The following WIPI2 variants were observed in gnomAD, a reference collection of about 807,000 sequenced individuals.
WIPI2 encodes WD repeat domain, phosphoinositide interacting 2.
In WIPI2, 28 loss-of-function variants were observed where a neutral mutation model predicts 52.3. That is an observed-to-expected ratio of 0.54 (90% CI 0.40 to 0.73). WIPI2 has a LOEUF of 0.73. WIPI2 is among the 30% of genes least tolerant of loss of function. The pLI, the probability that WIPI2 is intolerant of heterozygous loss-of-function variation, is 0.00. For missense variants in WIPI2, 506 were observed against 602.9 expected (o/e 0.84, Z 1.68); for synonymous variants, 268 against 245.0 (o/e 1.09, Z -0.88).
At chr7:5,216,495 C>A in intron 4 of WIPI2, 68 bp from the exon 5 acceptor site, 1 of 1,252,758 alleles carries the variant, frequency 8.0e-7, no homozygotes, top group Non-Finnish European at 1.2e-6. Context: ...AGTCAGTCAA[C>A]TGGAGATTGG....
At chr7:5,204,539 G>T (rs574148418) in intron 3 of WIPI2, among the ~76,000 whole-genome samples, 112 of 152,154 alleles carry the variant, frequency 7.4e-4, no homozygotes, top group Non-Finnish European at 1.4e-3. Flanking sequence ...TTAGAAAAAT[G>T]GCAACAAACC....
At chr7:5,209,632 C>A (rs1182499126) in intron 3 of WIPI2, among the ~76,000 whole-genome samples, 1 of 152,206 alleles carries the variant, frequency 6.6e-6, no homozygotes, top group African/African-American at 2.4e-5. Flanking sequence ...ATACTGTTCT[C>A]ACTTTGAAAT....
intron 7 of WIPI2, among the ~76,000 whole-genome samples, chr7:5,219,844 T>G (rs1287508560): frequency 6.6e-6 from 1 of 152,164 alleles, no homozygotes; most frequent in African/African-American, 2.4e-5. Flanking sequence ...AGTTTTTTTT[T>G]TTTTTGAGAC....
chr7:5,225,172 ACT>A (rs1325922396), intron 8 of WIPI2, among the ~76,000 whole-genome samples: 45 of 150,280 alleles, frequency 3.0e-4, no homozygotes, highest in African/African-American at 1.1e-3. Flanking sequence ...ACAGAGTCTC[ACT>A]CTGTCGCCCA....
At chr7:5,217,734 G>T in intron 6 of WIPI2, 188 bp from the exon 7 acceptor site, 1 of 643,390 alleles carries the variant, frequency 1.6e-6, no homozygotes. Context: ...AAATTGCTTT[G>T]CTTTTTCTAA....
chr7:5,204,025 TTC>T (rs1244104445), intron 3 of WIPI2, among the ~76,000 whole-genome samples: 1 of 152,194 alleles, frequency 6.6e-6, no homozygotes, highest in East Asian at 1.9e-4. Flanking sequence ...TTTCTTTGCT[TTC>T]TTTTGATTAT....
Position 5,227,108 on chromosome 7 carries a change from C to G in WIPI2, c.849-72C>G. 1 of 1,585,566 alleles carries G rather than the reference C, an allele frequency of 6.3e-7. No homozygotes were observed. The highest frequency in any genetic ancestry group is 1.3e-5 in the African/African-American group (1 of 74,328). On this transcript the variant is annotated intron_variant, in intron 9 of 12. Transcript: ENST00000288828. This position sits in a 1 kb window ranked among gnomAD's most constrained non-coding sequence, Gnocchi z 8.1. ...TGCTGTCGGCTCCAGAGCTGTGCGT[C>G]TGTGTGAGTAGGGGGTGGCCGTCCC...
chr7:5,204,803 G>T (rs1361517474), intron 3 of WIPI2, among the ~76,000 whole-genome samples: 1 of 151,956 alleles, frequency 6.6e-6, no homozygotes, highest in African/African-American at 2.4e-5. Flanking sequence ...CCCCCTTCTT[G>T]CATAGCTGGG....
At chr7:5,219,773 C>T (rs1382453591) in intron 7 of WIPI2, among the ~76,000 whole-genome samples, 1 of 151,858 alleles carries the variant, frequency 6.6e-6, no homozygotes, top group East Asian at 1.9e-4. Flanking sequence ...CTCTAATTCT[C>T]AATGTTACAA....
At position 5,225,916 on chromosome 7, in the gene WIPI2, G is replaced by C; in HGVS notation, c.834G>C (p.Glu278Asp). Residue 278 changes from glutamate (E) to aspartate (D), a missense_variant, in exon 9 of 13, where the codon GAG becomes GAC. Physicochemically the swap from Glu to Asp is conservative, Grantham distance 45 (BLOSUM62 2). Coordinates refer to ENST00000288828, the MANE Select transcript of WIPI2 (RefSeq NM_015610.4). ...NTETVHIFKL[E>D]TVKEKPPEEP... ...AGACCGTGCACATCTTCAAACTCGA[G>C]ACTGTGAAAGAAAAGTGAGTTGCAA... 1 of 1,613,660 alleles carries C rather than the reference G, an allele frequency of 6.2e-7. No individual in the cohort carries two copies. Among genetic ancestry groups the C allele is most frequent in the East Asian group, 2.2e-5 (1 of 44,872 alleles).
chr7:5,217,682 C>T (rs951934286), intron 6 of WIPI2: 9 of 519,716 alleles, frequency 1.7e-5, no homozygotes, highest in Middle Eastern at 5.2e-4. Context: ...CTGAGCTCCT[C>T]GCCACGGGAA....
At position 5,210,447 on chromosome 7, in the gene WIPI2, C is replaced by T. The variant is rs565734555; in HGVS notation, c.212-4088C>T. Among the ~76,000 whole-genome samples the T allele has an allele frequency of 7.2e-5, 11 of 152,318 alleles. No individual in the cohort carries two copies. The East Asian group carries it at 1.7e-3, about 24-fold the overall frequency. On this transcript the variant is annotated intron_variant, in intron 3 of 12. Transcript: ENST00000288828. ...CTTCTGTTGACTTCCATCTCATACA[C>T]GGTCTTGGCTTTTCTCTTACTCAAT... is the stretch of plus-strand genomic sequence containing the variant.
intron 3 of WIPI2, 131 bp from the exon 4 acceptor site, chr7:5,214,404 T>A: frequency 6.2e-7 from 1 of 1,608,054 alleles, no homozygotes; most frequent in Non-Finnish European, 8.5e-7. Flanking sequence ...CATGACCACA[T>A]GTTCCGCAGG....
chr7:5,215,763 G>A (rs1002009362), intron 4 of WIPI2, among the ~76,000 whole-genome samples: 1 of 129,204 alleles, frequency 7.7e-6, no homozygotes, highest in African/African-American at 2.9e-5. Context: ...TAAAAATTGT[G>A]TTCACGTCCA....
At position 5,231,058 on chromosome 7, in the gene WIPI2, CTT is replaced by C. The variant is rs1783703480; in HGVS notation, c.*113_*114del. 1.4e-6 allele frequency: 1 copy of C among 721,834 alleles called. No individual in the cohort carries two copies. Among genetic ancestry groups the C allele is most frequent in the East Asian group, 3.3e-5 (1 of 30,666 alleles). The allele number at this position is 721,834 out of a possible 1,614,324, so 44.7% of individuals were successfully genotyped here. On this transcript the variant is annotated 3_prime_UTR_variant, in exon 13 of 13. Transcript: ENST00000288828. ...GAGTCGGGGGAGAGGATGGCAGAGACTTTATTAAAAAAAAAAAAAGATTGTAG... is the reference window on the plus strand; with the variant it reads ...GAGTCGGGGGAGAGGATGGCAGAGACTATTAAAAAAAAAAAAAGATTGTAG...
chr7:5,213,190 C>T (rs536016604), intron 3 of WIPI2: 7 of 152,180 alleles, frequency 4.6e-5, no homozygotes, highest in South Asian at 4.1e-4. Flanking sequence ...CCTGGCCCCC[C>T]GACCCTGCCA....
At chr7:5,197,530 CA>C (rs1781811432) in intron 2 of WIPI2, among the ~76,000 whole-genome samples, 1 of 152,048 alleles carries the variant, frequency 6.6e-6, no homozygotes, top group South Asian at 2.1e-4. Context: ...AGTAAAGAAG[CA>C]AAAAATTTTT....
chr7:5,229,560 G>A (rs762642373), intron 11 of WIPI2, 48 bp from the exon 12 acceptor site: 19 of 1,593,042 alleles, frequency 1.2e-5, no homozygotes, highest in Non-Finnish European at 1.4e-5. Flanking sequence ...CTGCCCGCAG[G>A]GCTGCCCTGT....
rs960199688 is a variant in WIPI2 at position 5,229,625 on chromosome 7, A to C, written c.1139A>C (p.Glu380Ala). 1 of 1,613,606 alleles carries C rather than the reference A, an allele frequency of 6.2e-7. No individual in the cohort carries two copies. Among genetic ancestry groups the C allele is most frequent in the Admixed American group, 1.7e-5 (1 of 59,950 alleles). Reference protein sequence around the residue: ...MKQHRLDGSLETTNEILDSAS... With the variant: ...MKQHRLDGSLATTNEILDSAS... ...CCCTCCAGGCTGGACGGCAGTCTGG[A>C]AACGACCAATGAGATCTTGGACTCT... Residue 380 changes from glutamate to alanine, a missense_variant, in exon 12 of 13, where the codon GAA becomes GCA. Around this residue, in one of 4 missense-constraint regions of WIPI2, gnomAD observed 194 missense variants for 175.1 expected, o/e 1.11. Coordinates refer to ENST00000288828, the MANE Select transcript of WIPI2 (RefSeq NM_015610.4).
Sources: allele counts gnomAD v4.1 joint callset (sites outside exome capture counted in the v4.1 genomes callset), GRCh38; gene constraint gnomAD v4.1.1; regional missense constraint gnomAD v4.1.1; non-coding constraint Gnocchi (gnomAD v3.1); transcripts MANE v1.5; gene names NCBI Gene and HGNC (gene_info 2026-07-23, HGNC 2026-07-21).